Variants in TTC28 observed in about 807,000 individuals in gnomAD.
The protein encoded by TTC28 is tetratricopeptide repeat protein 28.
TTC28 carries 61 observed loss-of-function variants against 198.0 expected under a neutral mutation model. The ratio of observed to expected loss-of-function variants is 0.31; its 90% CI spans 0.25 to 0.38. The LOEUF (loss-of-function observed/expected upper bound fraction) is 0.38. Among genes scored for constraint, TTC28 ranks in the 10% least tolerant of loss-of-function variants. TTC28 has a pLI of 1.00. For missense variants in TTC28, 2,678 were observed against 3,164.0 expected (o/e 0.85, Z 3.69); for synonymous variants, 1,171 against 1,297.8 (o/e 0.90, Z 2.10).
intron 12 of TTC28, among the ~76,000 whole-genome samples, chr22:28,071,503 A>T (rs1940965716): frequency 6.9e-6 from 1 of 145,030 alleles, no homozygotes; most frequent in South Asian, 2.3e-4. Context: ...AACACCGCAT[A>T]TTCTCACTCA....
chr22:28,553,476 C>T (rs1359936823), intron 2 of TTC28, among the ~76,000 whole-genome samples: 2 of 150,882 alleles, frequency 1.3e-5, no homozygotes, highest in South Asian at 2.1e-4. Flanking sequence ...TGCCCGGCCG[C>T]AACCCCGTCT....
At chr22:28,546,202 A>T (rs553550710) in intron 2 of TTC28, among the ~76,000 whole-genome samples, 172 of 152,352 alleles carry the variant, frequency 1.1e-3, no homozygotes, top group African/African-American at 3.8e-3. Context: ...CTGATTTTTG[A>T]CAAAGGTACC....
chr22:28,325,083 C>T (rs1284538811), intron 2 of TTC28, among the ~76,000 whole-genome samples: 2 of 142,254 alleles, frequency 1.4e-5, no homozygotes, highest in Non-Finnish European at 3.1e-5. Flanking sequence ...TGGTTGAATT[C>T]GGCTGTGAAT....
chr22:28,127,399 T>C (rs1942944653), intron 6 of TTC28, among the ~76,000 whole-genome samples: 1 of 152,160 alleles, frequency 6.6e-6, no homozygotes, highest in East Asian at 1.9e-4. Context: ...AGTGTAATGG[T>C]AGCAACAACC....
At chr22:28,318,502 C>T (rs1485167779) in intron 2 of TTC28, among the ~76,000 whole-genome samples, 6 of 152,126 alleles carry the variant, frequency 3.9e-5, no homozygotes, top group Non-Finnish European at 2.9e-5. Context: ...TTTTGTTCTC[C>T]TCCCTTGAGT....
intron 2 of TTC28, among the ~76,000 whole-genome samples, chr22:28,537,863 C>T (rs1288793487): frequency 1.3e-5 from 2 of 152,114 alleles, no homozygotes; most frequent in South Asian, 2.1e-4. Context: ...AAGCTGTGCG[C>T]AGTGTACACT....
chr22:28,532,254 T>C (rs1189664941), intron 2 of TTC28, among the ~76,000 whole-genome samples: 1 of 152,092 alleles, frequency 6.6e-6, no homozygotes, highest in Non-Finnish European at 1.5e-5. Flanking sequence ...AAATACAAAC[T>C]ACCATCAGAG....
chr22:28,600,836 A>G (rs2050628835), intron 2 of TTC28, among the ~76,000 whole-genome samples: 1 of 152,224 alleles, frequency 6.6e-6, no homozygotes. Context: ...GGATTTATAA[A>G]AGATTCTTCC....
chr22:28,260,590 G>A (rs140207257), intron 5 of TTC28, among the ~76,000 whole-genome samples: 43 of 152,164 alleles, frequency 2.8e-4, no homozygotes, highest in African/African-American at 9.9e-4. Flanking sequence ...AAAATAAAAG[G>A]TGAAATGATC....
At chr22:28,003,600 G>A (rs1158246831) in intron 14 of TTC28, among the ~76,000 whole-genome samples, 3 of 152,174 alleles carry the variant, frequency 2.0e-5, no homozygotes, top group East Asian at 1.9e-4. Context: ...CAGGACACAC[G>A]CCACTCATAG....
intron 14 of TTC28, among the ~76,000 whole-genome samples, chr22:28,009,656 G>A (rs529396769): frequency 6.6e-4 from 101 of 152,146 alleles, no homozygotes; most frequent in Non-Finnish European, 1.1e-3. Context: ...GCCACAATTC[G>A]GCATGGCCCA....
chr22:28,448,270 AC>A (rs2047730829), intron 2 of TTC28, among the ~76,000 whole-genome samples: 1 of 152,200 alleles, frequency 6.6e-6, no homozygotes, highest in Admixed American at 6.5e-5. Context: ...TTACTCAATA[AC>A]CACTTGCCTA....
chr22:28,028,014 C>T (rs901599581), intron 13 of TTC28, among the ~76,000 whole-genome samples: 2 of 152,252 alleles, frequency 1.3e-5, no homozygotes, highest in Non-Finnish European at 2.9e-5. Flanking sequence ...AAGGCCAGAA[C>T]CCCCCTTCCT....
chr22:28,297,335 C>T (rs1337005828), intron 4 of TTC28, among the ~76,000 whole-genome samples: 2 of 151,658 alleles, frequency 1.3e-5, no homozygotes, highest in Admixed American at 6.6e-5. Context: ...CCTTGGCCTC[C>T]GGAGTAGCTA....
chr22:28,228,013 T>C (rs564892663), intron 5 of TTC28, among the ~76,000 whole-genome samples: 1 of 152,298 alleles, frequency 6.6e-6, no homozygotes, highest in South Asian at 2.1e-4. Context: ...GGTATATACA[T>C]ACAATAAAAT....
intron 6 of TTC28, among the ~76,000 whole-genome samples, chr22:28,144,854 C>T (rs1306315192): frequency 6.6e-6 from 1 of 152,186 alleles, no homozygotes; most frequent in Non-Finnish European, 1.5e-5. Context: ...ACCATCTGGG[C>T]ACAAAGCACT....
chr22:28,412,539 G>A (rs1284754357), intron 2 of TTC28, among the ~76,000 whole-genome samples: 2 of 152,130 alleles, frequency 1.3e-5, no homozygotes, highest in Non-Finnish European at 2.9e-5. Flanking sequence ...CCAATCAAAT[G>A]TATGATGATC....
At chr22:28,372,274 G>T (rs1177718135) in intron 2 of TTC28, among the ~76,000 whole-genome samples, 6 of 152,150 alleles carry the variant, frequency 3.9e-5, no homozygotes, top group Non-Finnish European at 8.8e-5. Flanking sequence ...CCCATCCCAT[G>T]ATGACATGTA....
intron 2 of TTC28, among the ~76,000 whole-genome samples, chr22:28,356,321 A>G (rs971154577): frequency 7.9e-5 from 12 of 151,926 alleles, no homozygotes; most frequent in Admixed American, 2.6e-4. Flanking sequence ...CCTCTATTCT[A>G]TCCCTACCAA....
Sources: gnomAD v4.1 joint callset for allele counts (sites outside exome capture counted in the v4.1 genomes callset) on GRCh38, gnomAD v4.1.1 for gene constraint, MANE v1.5 for transcripts, NCBI Gene and HGNC (gene_info 2026-07-23, HGNC 2026-07-21) for gene names.